Variants in IL18R1 observed in about 807,000 individuals in gnomAD.
IL18R1 encodes interleukin-18 receptor 1.
Under a neutral mutation model 48.5 loss-of-function variants are expected in IL18R1, and 40 were observed. That is an observed-to-expected ratio of 0.82 (90% CI 0.64 to 1.07). The LOEUF is 1.07. Among genes scored for constraint, IL18R1 ranks in the 50% least tolerant of loss-of-function variants. The pLI is 0.00. For synonymous variants in IL18R1, 232 were observed against 225.9 expected (o/e 1.03, Z -0.24); for missense variants, 596 against 633.7 (o/e 0.94, Z 0.64).
At chr2:102,382,070 T>G (rs1162518307) in intron 6 of IL18R1, among the ~76,000 whole-genome samples, 1 of 152,018 alleles carries the variant, frequency 6.6e-6, no homozygotes, top group Non-Finnish European at 1.5e-5. Context: ...GTCAGGAGTT[T>G]GAGACCAACC....
At position 102,394,479 on chromosome 2, in the gene IL18R1, A is replaced by T; in HGVS notation, c.1122A>T (p.Thr374=). The change falls in exon 10 of 11, where the codon ACA becomes ACT. Residue 374 remains threonine, a synonymous_variant. Transcript: ENST00000233957. Reference sequence around the variant, plus strand: ...AATCTTACCTCCTAGATGGAAAAACATATGATGCTTTTGTGTCTTACCTAA... The same window carrying T: ...AATCTTACCTCCTAGATGGAAAAACTTATGATGCTTTTGTGTCTTACCTAA... ...RRDETLTDGK[T]YDAFVSYLKE... is the part of the protein sequence containing the mutation. 1 of 1,610,454 alleles carries T rather than the reference A, an allele frequency of 6.2e-7. No homozygotes were observed. The highest frequency in any genetic ancestry group is 8.5e-7 in the Non-Finnish European group (1 of 1,177,960).
rs1558622828 is a variant in IL18R1 at position 102,397,417 on chromosome 2, G to A, written c.*531G>A. On this transcript the variant is annotated 3_prime_UTR_variant, in exon 11 of 11. Coordinates refer to ENST00000233957, the MANE Select transcript of IL18R1 (RefSeq NM_003855.5). ...GCAGGGCCGCCTTCAGAGGCTGCAG[G>A]GCCTCAGCCTCAGGATGCATTTAAT... 1 of 153,068 alleles carries A rather than the reference G, an allele frequency of 6.5e-6. No individual in the cohort carries two copies. Among genetic ancestry groups the A allele is most frequent in the Non-Finnish European group, 1.5e-5 (1 of 68,660 alleles). The allele number at this position is 153,068 out of a possible 1,614,324, so 9.5% of individuals were successfully genotyped here.
intron 4 of IL18R1, among the ~76,000 whole-genome samples, chr2:102,375,687 C>G (rs1170620535): frequency 6.6e-6 from 1 of 152,092 alleles, no homozygotes; most frequent in Admixed American, 6.5e-5. Context: ...GCTCTACTTC[C>G]CAGCATATAT....
chr2:102,361,095 C>T (rs1020510764), intron 1 of IL18R1, among the ~76,000 whole-genome samples: 3 of 152,090 alleles, frequency 2.0e-5, no homozygotes, highest in Admixed American at 6.5e-5. Context: ...ATAACTTTGT[C>T]TCTTGGTAGA....
intron 10 of IL18R1, 94 bp from the exon 11 acceptor site, chr2:102,396,437 A>T: frequency 3.0e-6 from 2 of 676,654 alleles, no homozygotes; most frequent in Non-Finnish European, 5.1e-6. Context: ...TGAGGTTAGG[A>T]GTTAATATAA....
At chr2:102,393,826 G>A (rs1038865243) in intron 9 of IL18R1, among the ~76,000 whole-genome samples, 4 of 152,144 alleles carry the variant, frequency 2.6e-5, no homozygotes, top group Non-Finnish European at 5.9e-5. Flanking sequence ...CAGAAAGCAT[G>A]TCCATCGGGA....
Position 102,357,969 on chromosome 2 carries a change from G to A in IL18R1, c.-29+1569G>A, listed in dbSNP as rs555420999. The stretch of plus-strand genomic sequence containing the variant: ...TATCATCTCACAGGCTGAGTAAAAC[G>A]ACTATGCATGGAACACTGTAGAAGA... On this transcript the variant is annotated intron_variant, in intron 1 of 10. Transcript: ENST00000233957. 3.0e-4 allele frequency among the ~76,000 whole-genome samples: 45 copies of A among 151,916 alleles called. No homozygotes were observed. In the South Asian group the frequency reaches 4.4e-3, roughly 15 times the overall value.
chr2:102,357,394 G>C (rs1678312884), intron 1 of IL18R1, among the ~76,000 whole-genome samples: 1 of 152,076 alleles, frequency 6.6e-6, no homozygotes, highest in Admixed American at 6.5e-5. Context: ...GGGAGGCTGA[G>C]GCAGGAGAAT....
At chr2:102,385,337 C>CT (rs555168596) in intron 7 of IL18R1, among the ~76,000 whole-genome samples, 2 of 151,836 alleles carry the variant, frequency 1.3e-5, no homozygotes, top group Admixed American at 6.6e-5. Flanking sequence ...CTAGGCCAAG[C>CT]TTTTTTTTAT....
chr2:102,359,015 G>A (rs995637155), intron 1 of IL18R1, among the ~76,000 whole-genome samples: 1 of 152,130 alleles, frequency 6.6e-6, no homozygotes, highest in African/African-American at 2.4e-5. Flanking sequence ...ATTGGTGTGT[G>A]TGAGCATGTG....
chr2:102,380,785 G>A (rs1295499035), intron 5 of IL18R1, among the ~76,000 whole-genome samples: 2 of 152,164 alleles, frequency 1.3e-5, no homozygotes, highest in Non-Finnish European at 2.9e-5. Context: ...AGTCCCAGAA[G>A]GGATGTTCTG....
intron 9 of IL18R1, among the ~76,000 whole-genome samples, chr2:102,394,237 A>G (rs921807203): frequency 6.6e-6 from 1 of 152,116 alleles, no homozygotes; most frequent in Non-Finnish European, 1.5e-5. Context: ...TATGGCTCAT[A>G]TATCTCTGTA....
chr2:102,388,331 T>C (rs1680361460), intron 8 of IL18R1, among the ~76,000 whole-genome samples: 1 of 152,180 alleles, frequency 6.6e-6, no homozygotes, highest in Non-Finnish European at 1.5e-5. Context: ...CGACAAGCTT[T>C]ATAGAGGTGA....
At chr2:102,370,695 T>A (rs1425475970) in intron 3 of IL18R1, among the ~76,000 whole-genome samples, 2 of 152,260 alleles carry the variant, frequency 1.3e-5, no homozygotes, top group Non-Finnish European at 2.9e-5. Flanking sequence ...TTGTAGCAAG[T>A]GTGTGGCCTG....
rs1233422642 is a variant in IL18R1 at position 102,397,692 on chromosome 2, T to G, written c.*806T>G. Reference sequence around the variant, plus strand: ...ATGTTTGCCAGGTTGTATTAGCCATTGAATAGCAAAAAACTGATAGTTACT... The same window carrying G: ...ATGTTTGCCAGGTTGTATTAGCCATGGAATAGCAAAAAACTGATAGTTACT... On this transcript the variant is annotated 3_prime_UTR_variant, in exon 11 of 11. Coordinates refer to ENST00000233957, the MANE Select transcript of IL18R1 (RefSeq NM_003855.5). 1 of 152,380 alleles carries G rather than the reference T, an allele frequency of 6.6e-6. No homozygotes were observed. Among genetic ancestry groups the G allele is most frequent in the Non-Finnish European group, 1.5e-5 (1 of 68,038 alleles). The allele number at this position is 152,380 out of a possible 1,614,324, so 9.4% of individuals were successfully genotyped here.
chr2:102,384,799 T>G, intron 6 of IL18R1, 79 bp from the exon 7 acceptor site: 1 of 1,536,382 alleles, frequency 6.5e-7, no homozygotes, highest in South Asian at 1.2e-5. Flanking sequence ...TAGGTTAACA[T>G]ACATTGATTA....
chr2:102,364,776 G>C (rs1573186264), intron 2 of IL18R1, among the ~76,000 whole-genome samples: 2 of 152,136 alleles, frequency 1.3e-5, no homozygotes, highest in South Asian at 4.1e-4. Flanking sequence ...GGCTGGGGAG[G>C]CCTCAGGAAG....
intron 2 of IL18R1, among the ~76,000 whole-genome samples, chr2:102,367,035 C>T (rs750097254): frequency 2.6e-5 from 4 of 152,044 alleles, no homozygotes; most frequent in African/African-American, 7.2e-5. Context: ...AAAGTGCACC[C>T]GAGAGTCACT....
At chr2:102,358,365 G>A (rs1420421325) in intron 1 of IL18R1, among the ~76,000 whole-genome samples, 1 of 152,184 alleles carries the variant, frequency 6.6e-6, no homozygotes, top group Non-Finnish European at 1.5e-5. Flanking sequence ...GGGAGACAGA[G>A]TGGTCAGCTT....
Sources: gnomAD v4.1 joint callset for allele counts (sites outside exome capture counted in the v4.1 genomes callset) on GRCh38, gnomAD v4.1.1 for gene constraint, MANE v1.5 for transcripts, NCBI Gene and HGNC (gene_info 2026-07-23, HGNC 2026-07-21) for gene names.